RAB28: variants seen among roughly 807,000 people sequenced by gnomAD.
RAB28 encodes the protein RAB28, member RAS oncogene family.
In RAB28, 24 loss-of-function variants were observed where a neutral mutation model predicts 31.7. The observed-to-expected ratio is 0.76, with a 90% CI of 0.55 to 1.06. The LOEUF is 1.06. Ranked by LOEUF, RAB28 falls within the 50% of genes least tolerant of loss-of-function variation. The pLI is 0.00. For missense variants in RAB28, 254 were observed against 258.5 expected, an observed-to-expected ratio of 0.98 and a Z score of 0.12; for synonymous variants, 100 against 90.4, an observed-to-expected ratio of 1.11 and a Z score of -0.60.
At chr4:13,450,196 TA>T (rs1424849297) in intron 4 of RAB28, among the ~76,000 whole-genome samples, 1 of 151,816 alleles carries the variant, frequency 6.6e-6, no homozygotes, top group Non-Finnish European at 1.5e-5. Flanking sequence ...AAATTGTAAA[TA>T]AAAAGTCAAA....
intron 4 of RAB28, among the ~76,000 whole-genome samples, chr4:13,403,283 T>C (rs1026591697): frequency 2.0e-5 from 3 of 152,216 alleles, no homozygotes; most frequent in African/African-American, 7.2e-5. Context: ...TTTCCTGTGA[T>C]TAAAAGATGT....
At chr4:13,406,564 G>A (rs1054687358) in intron 4 of RAB28, among the ~76,000 whole-genome samples, 4 of 152,138 alleles carry the variant, frequency 2.6e-5, no homozygotes, top group African/African-American at 4.8e-5. Context: ...CTAGACCATT[G>A]AGGAATCGCC....
At chr4:13,392,876 C>T (rs926781971) in intron 4 of RAB28, among the ~76,000 whole-genome samples, 1 of 152,142 alleles carries the variant, frequency 6.6e-6, no homozygotes, top group African/African-American at 2.4e-5. Flanking sequence ...TGAGTGTTCT[C>T]ATCTATAAAA....
intron 4 of RAB28, among the ~76,000 whole-genome samples, chr4:13,412,494 A>G (rs920756287): frequency 2.0e-5 from 3 of 152,128 alleles, no homozygotes; most frequent in Non-Finnish European, 4.4e-5. Flanking sequence ...TTAACCTAGA[A>G]CATGGCCTTG....
At chr4:13,427,320 C>A (rs1374961203) in intron 4 of RAB28, among the ~76,000 whole-genome samples, 1 of 152,160 alleles carries the variant, frequency 6.6e-6, no homozygotes, top group Admixed American at 6.5e-5. Flanking sequence ...TTGCTATAAA[C>A]AAATGGCAAA....
At chr4:13,371,667 C>T in intron 6 of RAB28, 1 of 1,479,050 alleles carries the variant, frequency 6.8e-7, no homozygotes, top group Non-Finnish European at 8.9e-7. Flanking sequence ...CCAAATTTCA[C>T]TTTCTATGAT....
rs183130241 is a variant in RAB28, at chr4:13,376,850, A to G, written c.496-228T>C. Among the ~76,000 whole-genome samples, 544 of 152,284 alleles carry G rather than the reference A, an allele frequency of 3.6e-3. 24 individuals are homozygous for G. Among genetic ancestry groups the G allele is most frequent in the Admixed American group, 0.035 (533 of 15,294 alleles). ...CTCCATGCAATTCAATGAATTGATC[A>G]TTTTCTCTAAACACACACATGAAAG... On this transcript the variant is annotated intron_variant, in intron 5 of 6. Coordinates refer to ENST00000330852, the MANE Select transcript of RAB28 (RefSeq NM_001017979.3).
chr4:13,448,311 T>G (rs999679975), intron 4 of RAB28, among the ~76,000 whole-genome samples: 3 of 152,142 alleles, frequency 2.0e-5, no homozygotes, highest in Non-Finnish European at 2.9e-5. Flanking sequence ...AATCAAAGAT[T>G]CATCCTAAAA....
chr4:13,383,435 C>A (rs1284584259), intron 4 of RAB28, among the ~76,000 whole-genome samples: 3 of 151,674 alleles, frequency 2.0e-5, no homozygotes, highest in Admixed American at 6.6e-5. Context: ...TTTTTCCTAA[C>A]AAATATAACC....
chr4:13,480,075 G>A (rs1716542527), intron 1 of RAB28, among the ~76,000 whole-genome samples: 1 of 151,562 alleles, frequency 6.6e-6, no homozygotes, highest in African/African-American at 2.4e-5. Context: ...GAAAGACTGT[G>A]ACAATATGTA....
chr4:13,382,603 G>C (rs1729178685), intron 4 of RAB28, among the ~76,000 whole-genome samples: 1 of 151,488 alleles, frequency 6.6e-6, no homozygotes, highest in Non-Finnish European at 1.5e-5. Context: ...TTAGTTTGTA[G>C]GCTCAAGGGT....
intron 4 of RAB28, among the ~76,000 whole-genome samples, chr4:13,434,368 G>A (rs1186630053): frequency 6.6e-6 from 1 of 152,146 alleles, no homozygotes; most frequent in East Asian, 1.9e-4. Context: ...GGTTCAATTT[G>A]ACAAGATTTA....
intron 4 of RAB28, among the ~76,000 whole-genome samples, chr4:13,415,318 C>T (rs946216917): frequency 2.6e-5 from 4 of 152,312 alleles, no homozygotes; most frequent in East Asian, 1.9e-4. Context: ...TGAGGAAGTG[C>T]CCGCCGCTGG....
chr4:13,397,390 G>A (rs1165514845), intron 4 of RAB28, among the ~76,000 whole-genome samples: 1 of 152,064 alleles, frequency 6.6e-6, no homozygotes, highest in Non-Finnish European at 1.5e-5. Flanking sequence ...GTTTGGTTCT[G>A]GGGTGCTAGC....
intron 4 of RAB28, among the ~76,000 whole-genome samples, chr4:13,432,281 T>C (rs1713849762): frequency 6.6e-6 from 1 of 151,884 alleles, no homozygotes; most frequent in Non-Finnish European, 1.5e-5. Context: ...TCAAGAAATA[T>C]GGGATTATAT....
At chr4:13,406,607 C>A (rs1315155685) in intron 4 of RAB28, among the ~76,000 whole-genome samples, 1 of 152,188 alleles carries the variant, frequency 6.6e-6, no homozygotes, top group Non-Finnish European at 1.5e-5. Flanking sequence ...AACTAGTTTA[C>A]ACTCCCACCA....
At chr4:13,384,467 G>A (rs1425106988) in intron 4 of RAB28, among the ~76,000 whole-genome samples, 1 of 152,192 alleles carries the variant, frequency 6.6e-6, no homozygotes, top group Non-Finnish European at 1.5e-5. Flanking sequence ...ACCTACTGAA[G>A]TGTAATGACC....
At chr4:13,459,773 T>C in intron 4 of RAB28, 1 of 1,120,564 alleles carries the variant, frequency 8.9e-7, no homozygotes, top group East Asian at 7.2e-5. Context: ...CATATAAAAT[T>C]CCAATGTAGA....
chr4:13,375,140 G>A (rs1303463657), intron 6 of RAB28, among the ~76,000 whole-genome samples: 1 of 152,104 alleles, frequency 6.6e-6, no homozygotes, highest in African/African-American at 2.4e-5. Context: ...AGACCTGGGT[G>A]CAAATTCTGG....
Sources: gnomAD v4.1 joint callset for allele counts (sites outside exome capture counted in the v4.1 genomes callset) on GRCh38, gnomAD v4.1.1 for gene constraint, MANE v1.5 for transcripts, NCBI Gene and HGNC (gene_info 2026-07-23, HGNC 2026-07-21) for gene names.